The following SSBP2 variants were observed in gnomAD, a reference collection of about 807,000 sequenced individuals.
SSBP2 encodes the protein single stranded DNA binding protein 2, also known as single-stranded DNA-binding protein 2.
SSBP2 carries 17 observed loss-of-function variants against 61.8 expected under a neutral mutation model. The ratio of observed to expected loss-of-function variants is 0.28; its 90% CI spans 0.19 to 0.41. The LOEUF is 0.41. Among genes scored for constraint, SSBP2 ranks in the 10% least tolerant of loss-of-function variants. The pLI is 1.00. For missense variants in SSBP2, 310 were observed against 458.7 expected, an observed-to-expected ratio of 0.68 and a Z score of 2.96; for synonymous variants, 139 against 141.3, an observed-to-expected ratio of 0.98 and a Z score of 0.12.
Position 81,418,696 on chromosome 5 carries a change from T to C in SSBP2, c.*1808A>G, listed in dbSNP as rs1431512827. ...GCTACAAACCTGTACAGCATGTTAC[T>C]GTACTGAATACCAAAGGCAACTGTA... On this transcript the variant is annotated 3_prime_UTR_variant, in exon 17 of 17. Transcript: ENST00000320672. The C allele has an allele frequency of 6.6e-6, 1 of 152,220 alleles. No individual in the cohort carries two copies. Among genetic ancestry groups the C allele is most frequent in the East Asian group, 1.9e-4 (1 of 5,202 alleles). 9.4% of individuals were successfully genotyped at this position (152,220 alleles called of 1,614,324 possible). A position where few individuals can be genotyped will look rare whatever the true frequency, so the allele number is the denominator to read the frequency against.
chr5:81,750,341 C>T (rs950178700), intron 1 of SSBP2, among the ~76,000 whole-genome samples: 1 of 147,158 alleles, frequency 6.8e-6, no homozygotes, highest in Non-Finnish European at 1.5e-5. Flanking sequence ...GCCCAACCCG[C>T]ACACGCCCTC....
At chr5:81,603,468 T>G (rs754413363) in intron 4 of SSBP2, among the ~76,000 whole-genome samples, 1 of 152,294 alleles carries the variant, frequency 6.6e-6, no homozygotes, top group Non-Finnish European at 1.5e-5. Context: ...CACTCCATTC[T>G]ATTACAAGCA....
At chr5:81,509,347 A>G (rs1024425373) in intron 5 of SSBP2, among the ~76,000 whole-genome samples, 3 of 152,184 alleles carry the variant, frequency 2.0e-5, no homozygotes, top group African/African-American at 4.8e-5. Context: ...GATTTGGATC[A>G]TTCTTGAAGG....
intron 3 of SSBP2, 53 bp downstream of exon 3, chr5:81,636,504 G>T: frequency 1.4e-6 from 2 of 1,383,610 alleles, no homozygotes; most frequent in Non-Finnish European, 2.0e-6. Flanking sequence ...GTATAGTACA[G>T]GCCTATTGAA....
intron 2 of SSBP2, among the ~76,000 whole-genome samples, chr5:81,647,372 T>C (rs561829483): frequency 1.6e-4 from 24 of 152,254 alleles, no homozygotes; most frequent in African/African-American, 5.1e-4. Context: ...GGTTTCCAGA[T>C]ACATGGCATA....
chr5:81,591,164 C>T (rs1443270457), intron 4 of SSBP2, among the ~76,000 whole-genome samples: 2 of 152,178 alleles, frequency 1.3e-5, no homozygotes, highest in African/African-American at 4.8e-5. Flanking sequence ...AGCAAACCAG[C>T]CTCCATCCTA....
chr5:81,472,206 T>C (rs1240767438), intron 8 of SSBP2, among the ~76,000 whole-genome samples: 2 of 152,200 alleles, frequency 1.3e-5, no homozygotes, highest in African/African-American at 2.4e-5. Flanking sequence ...TTCTGGATTT[T>C]AAATTAGTTT....
chr5:81,447,300 T>C (rs964948607), intron 11 of SSBP2, among the ~76,000 whole-genome samples: 2 of 152,230 alleles, frequency 1.3e-5, no homozygotes, highest in African/African-American at 4.8e-5. Context: ...TTAGAGAATA[T>C]ATTTAAAAAT....
chr5:81,601,686 C>A (rs968338633), intron 4 of SSBP2, among the ~76,000 whole-genome samples: 1 of 152,168 alleles, frequency 6.6e-6, no homozygotes, highest in African/African-American at 2.4e-5. Context: ...TAATTCACAA[C>A]CATCCCAATA....
intron 4 of SSBP2, among the ~76,000 whole-genome samples, chr5:81,543,971 T>C (rs189705849): frequency 4.9e-4 from 75 of 152,324 alleles, no homozygotes; most frequent in Middle Eastern, 3.4e-3. Flanking sequence ...AATCTACTTA[T>C]ATGCTCAAAC....
intron 1 of SSBP2, among the ~76,000 whole-genome samples, chr5:81,742,282 T>C (rs113938366): frequency 6.8e-4 from 104 of 152,318 alleles, no homozygotes; most frequent in Non-Finnish European, 1.3e-3. Context: ...TAATCTTCCA[T>C]AGTCCTGAAA....
chr5:81,669,288 G>A (rs1481208444), intron 1 of SSBP2, among the ~76,000 whole-genome samples: 1 of 152,112 alleles, frequency 6.6e-6, no homozygotes, highest in Non-Finnish European at 1.5e-5. Flanking sequence ...TTCTTACAAA[G>A]CTAAACATAC....
At chr5:81,530,366 T>C (rs1445565801) in intron 4 of SSBP2, among the ~76,000 whole-genome samples, 5 of 152,086 alleles carry the variant, frequency 3.3e-5, no homozygotes, top group Admixed American at 2.6e-4. Context: ...TAGAGACCAG[T>C]GAGAAACATA....
At chr5:81,585,418 A>G in intron 4 of SSBP2, among the ~76,000 whole-genome samples, 1 of 152,140 alleles carries the variant, frequency 6.6e-6, no homozygotes, top group East Asian at 1.9e-4. Flanking sequence ...TCTTATTCTA[A>G]AATTTCATTT....
intron 4 of SSBP2, among the ~76,000 whole-genome samples, chr5:81,563,769 TA>T (rs1773224021): frequency 6.6e-6 from 1 of 152,110 alleles, no homozygotes; most frequent in Non-Finnish European, 1.5e-5. Flanking sequence ...GACTTAAACA[TA>T]AGACCTGAAA....
At chr5:81,687,420 A>T (rs1451121431) in intron 1 of SSBP2, among the ~76,000 whole-genome samples, 4 of 152,184 alleles carry the variant, frequency 2.6e-5, no homozygotes, top group Middle Eastern at 3.2e-3. Flanking sequence ...AATCTAGAAC[A>T]CAAGTACTAC....
chr5:81,661,008 G>A (rs534615964), intron 1 of SSBP2, among the ~76,000 whole-genome samples: 1 of 152,148 alleles, frequency 6.6e-6, no homozygotes, highest in East Asian at 1.9e-4. Context: ...AGCCTGTTGA[G>A]GGGTGGGGGG....
At chr5:81,495,917 C>CTAA (rs910209750) in intron 5 of SSBP2, among the ~76,000 whole-genome samples, 2 of 151,944 alleles carry the variant, frequency 1.3e-5, no homozygotes, top group Admixed American at 6.6e-5. Flanking sequence ...ATGTCAATTG[C>CTAA]TAAGCATTTT....
At chr5:81,696,437 C>T (rs1235699199) in intron 1 of SSBP2, among the ~76,000 whole-genome samples, 1 of 152,152 alleles carries the variant, frequency 6.6e-6, no homozygotes, top group Non-Finnish European at 1.5e-5. Flanking sequence ...TGCCGATGAG[C>T]TACACGAAGA....
Sources: gnomAD v4.1 joint callset for allele counts (sites outside exome capture counted in the v4.1 genomes callset) on GRCh38, gnomAD v4.1.1 for gene constraint, MANE v1.5 for transcripts, NCBI Gene and HGNC (gene_info 2026-07-23, HGNC 2026-07-21) for gene names.